C12orf42: variants seen among roughly 807,000 people sequenced by gnomAD.
C12orf42 encodes the protein uncharacterized protein C12orf42.
C12orf42 carries 25 observed loss-of-function variants against 21.6 expected under a neutral mutation model. The observed-to-expected ratio is 1.16, with a 90% CI of 0.84 to 1.62. The LOEUF is 1.62. Ranked by LOEUF, C12orf42 falls within the 40% of genes most tolerant of loss-of-function variation. C12orf42 has a pLI of 0.00. For missense variants in C12orf42, 483 were observed against 459.3 expected (o/e 1.05, Z -0.47); for synonymous variants, 174 against 175.0 (o/e 0.99, Z 0.05).
chr12:103,402,435 C>A (rs1566246750), intron 2 of C12orf42, among the ~76,000 whole-genome samples: 1 of 152,144 alleles, frequency 6.6e-6, no homozygotes, highest in Non-Finnish European at 1.5e-5. Flanking sequence ...TTTATTTAGT[C>A]ATGCTCCTCA....
In C12orf42 at chr12:103,419,887, C is replaced by A. The variant is rs1038870981; in HGVS notation, c.79-18212G>T. On this transcript the variant is annotated intron_variant, in intron 2 of 5. Coordinates refer to ENST00000548883, the MANE Select transcript of C12orf42 (RefSeq NM_198521.5). Reference sequence around the variant, plus strand: ...ATACAGAAGGTTTTCTGCCACAAAACTAAATGTGTGCAAAGGGTTTTCTAT... The same window carrying A: ...ATACAGAAGGTTTTCTGCCACAAAAATAAATGTGTGCAAAGGGTTTTCTAT... Among the ~76,000 whole-genome samples the A allele has an allele frequency of 4.6e-5, 7 of 152,230 alleles. 1 individual carries two copies. The highest frequency in any genetic ancestry group is 2.6e-4 in the Admixed American group (4 of 15,294).
At chr12:103,136,063 G>A in the C12orf42 span, among the ~76,000 whole-genome samples, 2 of 152,042 alleles carry the variant, frequency 1.3e-5, no homozygotes, top group African/African-American at 2.4e-5. Context: ...TCAGTCAAGA[G>A]GCAAAAATAA....
intron 4 of C12orf42, among the ~76,000 whole-genome samples, chr12:103,344,130 A>G (rs2042409098): frequency 6.6e-6 from 1 of 152,218 alleles, no homozygotes; most frequent in Admixed American, 6.5e-5. Flanking sequence ...CAGCTGTGCA[A>G]AATCAAGTCA....
At chr12:103,325,334 G>A (rs879215882) in intron 4 of C12orf42, among the ~76,000 whole-genome samples, 19 of 152,114 alleles carry the variant, frequency 1.2e-4, no homozygotes, top group East Asian at 1.9e-4. Context: ...TAGGCTCTGC[G>A]GCCCCACACT....
the C12orf42 span, among the ~76,000 whole-genome samples, chr12:103,198,760 T>G: frequency 9.2e-5 from 14 of 152,202 alleles, no homozygotes; most frequent in African/African-American, 3.4e-4. Context: ...CAAGTCCCTG[T>G]GTTTAGCAAT....
the C12orf42 span, among the ~76,000 whole-genome samples, chr12:103,223,995 A>G: frequency 1.3e-5 from 2 of 152,176 alleles, no homozygotes; most frequent in African/African-American, 4.8e-5. Flanking sequence ...GGCTGATTTG[A>G]CTAATAAAGG....
the C12orf42 span, among the ~76,000 whole-genome samples, chr12:103,225,175 A>C: frequency 6.6e-6 from 1 of 152,184 alleles, no homozygotes; most frequent in African/African-American, 2.4e-5. Flanking sequence ...CAAGCATGGA[A>C]TAGTGAGTTG....
At chr12:103,228,212 A>C in the C12orf42 span, among the ~76,000 whole-genome samples, 1 of 152,116 alleles carries the variant, frequency 6.6e-6, no homozygotes, top group African/African-American at 2.4e-5. Context: ...GAGTCAGCAA[A>C]GGGAGATAAG....
At chr12:103,471,072 A>G (rs1953563080) in intron 2 of C12orf42, among the ~76,000 whole-genome samples, 1 of 152,172 alleles carries the variant, frequency 6.6e-6, no homozygotes, top group Admixed American at 6.5e-5. Context: ...TTGTGCAGCA[A>G]AAAAGAGGTG....
At chr12:103,530,533 G>A in the C12orf42 span, among the ~76,000 whole-genome samples, 3 of 152,262 alleles carry the variant, frequency 2.0e-5, no homozygotes, top group East Asian at 3.9e-4. Flanking sequence ...ATGAGGGGTG[G>A]GTTTTCTCTG....
chr12:103,130,075 G>T, the C12orf42 span, among the ~76,000 whole-genome samples: 2 of 151,850 alleles, frequency 1.3e-5, no homozygotes, highest in Non-Finnish European at 2.9e-5. Context: ...GAAATATGTT[G>T]GCACCTGGCG....
intron 10 of C12orf42, among the ~76,000 whole-genome samples, chr12:103,263,107 T>C (rs1281789919): frequency 1.3e-5 from 2 of 151,736 alleles, no homozygotes; most frequent in Admixed American, 1.3e-4. Context: ...AACAATGAGA[T>C]CACTTGGACA....
intron 10 of C12orf42, among the ~76,000 whole-genome samples, chr12:103,261,419 T>C (rs1354445562): frequency 1.3e-5 from 2 of 150,464 alleles, no homozygotes; most frequent in East Asian, 3.9e-4. Flanking sequence ...GAGGTGAAAG[T>C]TGCAGTGAGC....
At chr12:103,469,171 T>C (rs539097751) in intron 2 of C12orf42, among the ~76,000 whole-genome samples, 1 of 152,292 alleles carries the variant, frequency 6.6e-6, no homozygotes, top group East Asian at 1.9e-4. Flanking sequence ...AGCAGGGAGC[T>C]TGGGAAGGGG....
the C12orf42 span, among the ~76,000 whole-genome samples, chr12:103,208,569 T>G: frequency 6.6e-6 from 1 of 152,216 alleles, no homozygotes; most frequent in African/African-American, 2.4e-5. Context: ...GAATTAAGAC[T>G]GATTTTTGCC....
chr12:103,108,167 T>A, the C12orf42 span, among the ~76,000 whole-genome samples: 1 of 151,488 alleles, frequency 6.6e-6, no homozygotes, highest in Non-Finnish European at 1.5e-5. Flanking sequence ...ATAAATTTAA[T>A]CTATATCCAA....
chr12:103,481,845 TTTTTTC>T (rs1306854664), intron 1 of C12orf42, among the ~76,000 whole-genome samples: 3 of 151,788 alleles, frequency 2.0e-5, no homozygotes, highest in Non-Finnish European at 4.4e-5. Flanking sequence ...GACTAAATTA[TTTTTTC>T]TTTTTCTTTT....
At chr12:103,097,041 A>T in the C12orf42 span, among the ~76,000 whole-genome samples, 2 of 152,350 alleles carry the variant, frequency 1.3e-5, no homozygotes, top group East Asian at 3.9e-4. Context: ...GTGTCCTCAC[A>T]GCCTGGCAAA....
intron 1 of C12orf42, among the ~76,000 whole-genome samples, chr12:103,495,296 G>A (rs1357691681): frequency 1.2e-4 from 18 of 152,104 alleles, no homozygotes; most frequent in Admixed American, 1.2e-3. Flanking sequence ...CATGTAAAGA[G>A]AGGAACTTTC....
Sources: allele counts gnomAD v4.1 joint callset (sites outside exome capture counted in the v4.1 genomes callset), GRCh38; gene constraint gnomAD v4.1.1; transcripts MANE v1.5; gene names NCBI Gene and HGNC (gene_info 2026-07-23, HGNC 2026-07-21).